The following CHMP3 variants were observed in gnomAD, a reference collection of about 807,000 sequenced individuals.
The protein encoded by CHMP3 is 25.1 protein.
CHMP3 carries 8 observed loss-of-function variants against 27.4 expected under a neutral mutation model. The observed-to-expected ratio is 0.29, with a 90% CI of 0.17 to 0.53. The LOEUF (loss-of-function observed/expected upper bound fraction) is 0.53, where lower values mean the gene tolerates loss of function less well. Ranked by LOEUF, CHMP3 falls within the 20% of genes least tolerant of loss-of-function variation. The pLI, the probability that CHMP3 is intolerant of heterozygous loss-of-function variation, is 0.96. For missense variants in CHMP3, 208 were observed against 271.5 expected, an observed-to-expected ratio of 0.77 and a Z score of 1.64; for synonymous variants, 86 against 85.5, an observed-to-expected ratio of 1.01 and a Z score of -0.03.
At chr2:86,558,870 GAA>G (rs550691701) in intron 1 of CHMP3, among the ~76,000 whole-genome samples, 295 of 108,308 alleles carry the variant, frequency 2.7e-3, no homozygotes, top group African/African-American at 8.2e-3. Context: ...TCCCTTAAAA[GAA>G]AAAAAAAAAA....
Position 86,504,499 on chromosome 2 carries a change from AATTT to A in CHMP3, c.*1301_*1304del, listed in dbSNP as rs1558640621. 15 of 135,178 alleles carry A rather than the reference AATTT, an allele frequency of 1.1e-4. No individual in the cohort carries two copies. Among genetic ancestry groups the A allele is most frequent in the Admixed American group, 1.7e-4 (2 of 11,998 alleles). 8.4% of individuals were successfully genotyped at this position (135,178 alleles called of 1,614,324 possible). A position where few individuals can be genotyped will look rare whatever the true frequency, so the allele number is the denominator to read the frequency against. On this transcript the variant is annotated 3_prime_UTR_variant, in exon 6 of 6. Transcript: ENST00000263856. ...GAGGGTCCTCTGGACTCAAAAATGA[AATTT>A]TTTTTTTTTTTTTTTTTTTTTTTTG...
intron 1 of CHMP3, among the ~76,000 whole-genome samples, chr2:86,548,740 C>T (rs915290596): frequency 2.0e-4 from 30 of 152,106 alleles, no homozygotes; most frequent in Non-Finnish European, 3.8e-4. Context: ...ATGGGGTGGC[C>T]GGGCAGAGGC....
intron 1 of CHMP3, among the ~76,000 whole-genome samples, chr2:86,548,334 G>A (rs1369059043): frequency 2.0e-5 from 3 of 152,066 alleles, no homozygotes; most frequent in African/African-American, 2.4e-5. Flanking sequence ...AGGTTCCTGC[G>A]GCCTTCCGCA....
At chr2:86,524,283 T>G (rs758737211) in intron 3 of CHMP3, among the ~76,000 whole-genome samples, 1 of 152,194 alleles carries the variant, frequency 6.6e-6, no homozygotes, top group Non-Finnish European at 1.5e-5. Context: ...CACCAAGGAA[T>G]AGAAGGATAC....
At chr2:86,553,086 A>C (rs1676974243) in intron 1 of CHMP3, among the ~76,000 whole-genome samples, 1 of 151,982 alleles carries the variant, frequency 6.6e-6, no homozygotes, top group South Asian at 2.1e-4. Context: ...GCTAATGGAT[A>C]CTGGGCTTAA....
intron 1 of CHMP3, among the ~76,000 whole-genome samples, chr2:86,544,364 A>G (rs957257903): frequency 8.1e-6 from 1 of 123,246 alleles, no homozygotes; most frequent in Non-Finnish European, 1.7e-5. Context: ...TTTAGTACTT[A>G]TTGATCATTC....
In CHMP3 at chr2:86,505,083, T is replaced by C. The variant is rs1674838446; in HGVS notation, c.*721A>G. ...ACCAGCTCGAAGCAGGGACAGGCAA[T>C]GAGAGGTGAAAGAGACCTAGTACTA... On this transcript the variant is annotated 3_prime_UTR_variant, in exon 6 of 6. Coordinates refer to ENST00000263856, the MANE Select transcript of CHMP3 (RefSeq NM_016079.4). 1 of 152,154 alleles carries C rather than the reference T, an allele frequency of 6.6e-6. No individual in the cohort carries two copies. Among genetic ancestry groups the C allele is most frequent in the African/African-American group, 2.4e-5 (1 of 41,336 alleles). 9.4% of individuals were successfully genotyped at this position (152,154 alleles called of 1,614,324 possible).
At chr2:86,532,974 A>G (rs555040839) in intron 2 of CHMP3, among the ~76,000 whole-genome samples, 2 of 152,308 alleles carry the variant, frequency 1.3e-5, no homozygotes, top group Admixed American at 1.3e-4. Flanking sequence ...CTTCTCTTCA[A>G]TTTCTTGAAG....
chr2:86,535,754 C>T (rs948045209), intron 2 of CHMP3, among the ~76,000 whole-genome samples: 2 of 152,158 alleles, frequency 1.3e-5, no homozygotes, highest in African/African-American at 2.4e-5. Flanking sequence ...GATCCGCCCA[C>T]CTTGGCCTCC....
chr2:86,532,508 G>T (rs1675966997), intron 2 of CHMP3, among the ~76,000 whole-genome samples: 1 of 152,090 alleles, frequency 6.6e-6, no homozygotes, highest in Admixed American at 6.5e-5. Context: ...TCCTTGCCTT[G>T]TTCCTGATCT....
intron 1 of CHMP3, among the ~76,000 whole-genome samples, chr2:86,557,555 C>G (rs1677173871): frequency 6.6e-6 from 1 of 152,216 alleles, no homozygotes; most frequent in Admixed American, 6.5e-5. Context: ...CCACTACCAT[C>G]ACTCCTCTTG....
chr2:86,550,128 C>G (rs1676840897), intron 1 of CHMP3, among the ~76,000 whole-genome samples: 1 of 152,238 alleles, frequency 6.6e-6, no homozygotes. Flanking sequence ...GCAATCCCAG[C>G]ACCCCGGGAG....
chr2:86,525,532 CAA>C (rs1242579774), intron 3 of CHMP3, among the ~76,000 whole-genome samples: 18 of 101,642 alleles, frequency 1.8e-4, no homozygotes, highest in East Asian at 3.1e-4. Flanking sequence ...GATCTTGTCT[CAA>C]AAAAAAAAAA....
chr2:86,549,016 G>A (rs11890032), intron 1 of CHMP3, among the ~76,000 whole-genome samples: 18,545 of 146,380 alleles, frequency 0.13, 1,301 homozygotes, highest in Non-Finnish European at 0.16. Flanking sequence ...AGGCAGAGGC[G>A]CTCCCCACCT....
At chr2:86,563,076 C>T (rs772877965) in intron 1 of CHMP3, 24 of 498,220 alleles carry the variant, frequency 4.8e-5, no homozygotes, top group Admixed American at 2.9e-4. Context: ...AGAAACTCTT[C>T]ATCCACCCTC....
At chr2:86,549,685 G>A (rs187319513) in intron 1 of CHMP3, among the ~76,000 whole-genome samples, 5,510 of 142,622 alleles carry the variant, frequency 0.039, 161 homozygotes, top group African/African-American at 0.076. Flanking sequence ...GGTGGCGGCC[G>A]GGCAGAGACG....
At chr2:86,543,746 T>C (rs965185524) in intron 1 of CHMP3, among the ~76,000 whole-genome samples, 1 of 152,212 alleles carries the variant, frequency 6.6e-6, no homozygotes. Context: ...CCTCTCTCTG[T>C]TTTTTATTTA....
intron 2 of CHMP3, among the ~76,000 whole-genome samples, chr2:86,539,239 A>G (rs1676263595): frequency 6.6e-6 from 1 of 152,172 alleles, no homozygotes; most frequent in African/African-American, 2.4e-5. Flanking sequence ...ACACTTTATC[A>G]AAGTGCCCCA....
At chr2:86,536,796 G>T (rs1485837139) in intron 2 of CHMP3, among the ~76,000 whole-genome samples, 1 of 152,120 alleles carries the variant, frequency 6.6e-6, no homozygotes, top group Non-Finnish European at 1.5e-5. Flanking sequence ...TAATCTCTCT[G>T]CACCTTTCTC....
Sources: gnomAD v4.1 joint callset for allele counts (sites outside exome capture counted in the v4.1 genomes callset) on GRCh38, gnomAD v4.1.1 for gene constraint, MANE v1.5 for transcripts, NCBI Gene and HGNC (gene_info 2026-07-23, HGNC 2026-07-21) for gene names.